Variants in CHLSN observed in about 807,000 individuals in gnomAD.
CHLSN encodes protein cholesin.
chr7:1,053,774 C>T, the CHLSN span, among the ~76,000 whole-genome samples: 26,215 of 152,116 alleles, frequency 0.17, 2,350 homozygotes, highest in Admixed American at 0.21. Context: ...TTGCAGTGAG[C>T]TGAGATCGTG....
chr7:1,085,832 CAA>C, the CHLSN span, among the ~76,000 whole-genome samples: 7 of 134,018 alleles, frequency 5.2e-5, no homozygotes, highest in Admixed American at 7.5e-5. Flanking sequence ...AATCCTGTCT[CAA>C]AAAAAAAAAA....
At chr7:1,084,527 T>C in the CHLSN span, among the ~76,000 whole-genome samples, 2 of 152,192 alleles carry the variant, frequency 1.3e-5, no homozygotes, top group Admixed American at 6.5e-5. Context: ...CTTGTGCCTA[T>C]GGGGGAGAAG....
the CHLSN span, among the ~76,000 whole-genome samples, chr7:1,004,771 C>T: frequency 2.0e-5 from 3 of 152,244 alleles, no homozygotes; most frequent in Admixed American, 6.5e-5. Context: ...TGACACAATC[C>T]TCTTTCTCTC....
At chr7:1,001,158 C>G in the CHLSN span, among the ~76,000 whole-genome samples, 1 of 152,116 alleles carries the variant, frequency 6.6e-6, no homozygotes, top group East Asian at 1.9e-4. Flanking sequence ...AGGGTTTACT[C>G]CAGAGACCTC....
chr7:1,006,635 A>G, the CHLSN span, among the ~76,000 whole-genome samples: 1 of 148,762 alleles, frequency 6.7e-6, no homozygotes, highest in Non-Finnish European at 1.5e-5. Flanking sequence ...CACGACGGCC[A>G]CAGCGCGGGG....
At chr7:1,096,764 C>T in the CHLSN span, among the ~76,000 whole-genome samples, 5 of 152,226 alleles carry the variant, frequency 3.3e-5, no homozygotes, top group Admixed American at 1.3e-4. The surrounding 1 kb of genome is among the most constrained non-coding windows in gnomAD (Gnocchi z 4.6). Flanking sequence ...CTTGACCTCA[C>T]GAGAGTGACA....
the CHLSN span, among the ~76,000 whole-genome samples, chr7:1,064,232 C>T: frequency 2.0e-5 from 3 of 152,282 alleles, no homozygotes; most frequent in Admixed American, 6.5e-5. Flanking sequence ...GTAGGAGACC[C>T]GACACAGCGC....
chr7:998,615 T>C, the CHLSN span, among the ~76,000 whole-genome samples: 1 of 152,132 alleles, frequency 6.6e-6, no homozygotes, highest in African/African-American at 2.4e-5. Context: ...TAGCTAATTT[T>C]TGTATTTTTA....
chr7:1,134,596 C>T, the CHLSN span, among the ~76,000 whole-genome samples: 2,053 of 150,038 alleles, frequency 0.014, 84 homozygotes, highest in East Asian at 0.17. Flanking sequence ...AGGCCGGGTG[C>T]GGTGGCTCAC....
At chr7:1,040,690 C>A in the CHLSN span, among the ~76,000 whole-genome samples, 120 of 145,226 alleles carry the variant, frequency 8.3e-4, no homozygotes, top group Non-Finnish European at 1.1e-3. Flanking sequence ...TTAAAAAGAA[C>A]AAAAAAAAAA....
At chr7:985,311 C>A in the CHLSN span, 3 of 1,550,672 alleles carry the variant, frequency 1.9e-6, no homozygotes, top group Admixed American at 5.9e-5. Context: ...TCTTGGGGTC[C>A]CCTGGCCTGC....
chr7:1,028,980 A>T, the CHLSN span: 1 of 192,144 alleles, frequency 5.2e-6, no homozygotes, highest in Non-Finnish European at 8.6e-6. Context: ...CATGGCATCC[A>T]CGTGTCCAGC....
chr7:1,078,130 G>A, the CHLSN span: 1 of 152,240 alleles, frequency 6.6e-6, no homozygotes, highest in East Asian at 1.9e-4. Context: ...TCCTGAAGAC[G>A]GAGCTGGACG....
chr7:1,127,249 G>A, the CHLSN span: 19 of 1,591,450 alleles, frequency 1.2e-5, no homozygotes, highest in Middle Eastern at 1.7e-4. Context: ...AAGCACAGGC[G>A]GCCTTACCTT....
the CHLSN span, chr7:1,056,068 C>A: frequency 6.0e-4 from 92 of 153,688 alleles, no homozygotes; most frequent in South Asian, 0.012. Context: ...GCCCGGACGC[C>A]CCCCTCACCG....
At chr7:1,084,591 TG>T in the CHLSN span, among the ~76,000 whole-genome samples, 1 of 152,112 alleles carries the variant, frequency 6.6e-6, no homozygotes, top group Non-Finnish European at 1.5e-5. Context: ...CCCTTGCCCC[TG>T]GTGGACCGCT....
chr7:978,092 A>T, the CHLSN span, among the ~76,000 whole-genome samples: 1 of 152,208 alleles, frequency 6.6e-6, no homozygotes, highest in South Asian at 2.1e-4. Flanking sequence ...GGGAGCCCCG[A>T]GGGACCTGTG....
chr7:1,133,470 G>A, the CHLSN span, among the ~76,000 whole-genome samples: 1 of 151,422 alleles, frequency 6.6e-6, no homozygotes. Flanking sequence ...CCCAAGTGCG[G>A]CCAGGCACGG....
chr7:1,108,197 G>T, the CHLSN span, among the ~76,000 whole-genome samples: 1 of 34,280 alleles, frequency 2.9e-5, no homozygotes. Context: ...GGGAAGCAGA[G>T]GGGGGCTGTG....
Sources: allele counts gnomAD v4.1 joint callset (sites outside exome capture counted in the v4.1 genomes callset), GRCh38; gene constraint gnomAD v4.1.1; non-coding constraint Gnocchi (gnomAD v3.1); transcripts MANE v1.5; gene names NCBI Gene and HGNC (gene_info 2026-07-23, HGNC 2026-07-21).